CARF: variants seen among roughly 807,000 people sequenced by gnomAD.
CARF encodes the protein calcium-responsive transcription factor.
CARF carries 57 observed loss-of-function variants against 82.0 expected under a neutral mutation model. That is an observed-to-expected ratio of 0.70 (90% CI 0.56 to 0.87). The LOEUF (loss-of-function observed/expected upper bound fraction) is 0.87, where lower values mean the gene tolerates loss of function less well. CARF is among the 40% of genes least tolerant of loss of function. CARF has a pLI of 0.00. For synonymous variants in CARF, 268 were observed against 290.1 expected, an observed-to-expected ratio of 0.92 and a Z score of 0.77; for missense variants, 771 against 855.8, an observed-to-expected ratio of 0.90 and a Z score of 1.24.
intron 3 of CARF, among the ~76,000 whole-genome samples, chr2:202,941,064 T>C (rs1417481403): frequency 6.6e-6 from 1 of 152,020 alleles, no homozygotes; most frequent in Non-Finnish European, 1.5e-5. Context: ...GTATAATATA[T>C]AAAATTCAAA....
intron 12 of CARF, 91 bp from the exon 13 acceptor site, chr2:202,974,243 G>T: frequency 1.1e-6 from 1 of 922,814 alleles, no homozygotes. Context: ...CTTTATAGAA[G>T]TTTATACTGA....
chr2:202,963,554 T>C (rs1442429723), intron 9 of CARF, among the ~76,000 whole-genome samples: 1 of 152,140 alleles, frequency 6.6e-6, no homozygotes, highest in East Asian at 1.9e-4. Context: ...GGGGATGGTT[T>C]CGGGATGATT....
chr2:202,932,628 C>G (rs1416185451), intron 3 of CARF, among the ~76,000 whole-genome samples: 1 of 152,086 alleles, frequency 6.6e-6, no homozygotes, highest in Non-Finnish European at 1.5e-5. Flanking sequence ...GGCAGTATCT[C>G]AGACTCTGTG....
At chr2:202,954,209 C>G in intron 7 of CARF, 75 bp downstream of exon 7, 1 of 1,480,536 alleles carries the variant, frequency 6.8e-7, no homozygotes, top group Non-Finnish European at 9.1e-7. Flanking sequence ...ACATTTAAAG[C>G]TGGCAGACTA....
At chr2:202,940,533 T>C (rs981590558) in intron 3 of CARF, among the ~76,000 whole-genome samples, 1 of 152,194 alleles carries the variant, frequency 6.6e-6, no homozygotes, top group Admixed American at 6.6e-5. Flanking sequence ...TGTTAGCTTA[T>C]ATTTGATTGA....
At chr2:202,917,449 G>A (rs1201807390) in intron 1 of CARF, among the ~76,000 whole-genome samples, 2 of 151,512 alleles carry the variant, frequency 1.3e-5, no homozygotes, top group South Asian at 2.1e-4. Context: ...ATTGTAATAC[G>A]CTTGCTTAAG....
intron 9 of CARF, among the ~76,000 whole-genome samples, chr2:202,964,178 C>T (rs1459338496): frequency 2.0e-5 from 3 of 152,168 alleles, no homozygotes; most frequent in Non-Finnish European, 4.4e-5. Flanking sequence ...GGTTTGATAG[C>T]TTGTACCAAT....
At chr2:202,954,165 T>G (rs770974171) in intron 7 of CARF, 31 bp downstream of exon 7, 21 of 1,592,652 alleles carry the variant, frequency 1.3e-5, no homozygotes, top group Non-Finnish European at 1.8e-5. Flanking sequence ...AGCTCATCTT[T>G]TAATATCACC....
At chr2:202,945,968 G>A (rs2058476822) in intron 5 of CARF, among the ~76,000 whole-genome samples, 4 of 152,080 alleles carry the variant, frequency 2.6e-5, no homozygotes, top group African/African-American at 7.2e-5. Context: ...AACCTCACTA[G>A]CATCTGTTAT....
chr2:202,961,619 T>C, intron 9 of CARF, 193 bp downstream of exon 9: 1 of 563,670 alleles, frequency 1.8e-6, no homozygotes, highest in South Asian at 2.5e-5. Flanking sequence ...CATTTTAATA[T>C]ATCAATGAAT....
chr2:202,940,728 G>T (rs2058189916), intron 3 of CARF, among the ~76,000 whole-genome samples: 1 of 151,936 alleles, frequency 6.6e-6, no homozygotes, highest in Non-Finnish European at 1.5e-5. Context: ...CAGTTTCTTA[G>T]CCACAAAACT....
intron 13 of CARF, among the ~76,000 whole-genome samples, chr2:202,976,671 T>C (rs1399996166): frequency 6.6e-6 from 1 of 151,842 alleles, no homozygotes; most frequent in East Asian, 1.9e-4. Flanking sequence ...AAAATATGGA[T>C]ATTTTAAAAG....
At chr2:202,926,999 G>A (rs1192360705) in intron 3 of CARF, among the ~76,000 whole-genome samples, 1 of 152,018 alleles carries the variant, frequency 6.6e-6, no homozygotes, top group African/African-American at 2.4e-5. Flanking sequence ...TTTTTTTGTA[G>A]AGATAAGGTT....
At chr2:202,916,404 A>G (rs1345563538) in intron 1 of CARF, among the ~76,000 whole-genome samples, 1 of 152,052 alleles carries the variant, frequency 6.6e-6, no homozygotes, top group Non-Finnish European at 1.5e-5. Context: ...GATGGTCTCA[A>G]TCTCTTAACT....
In CARF at chr2:202,953,891, C is replaced by G. The variant is rs2058891442; in HGVS notation, c.428-114C>G. 3 of 825,832 alleles carry G rather than the reference C, an allele frequency of 3.6e-6. No individual in the cohort carries two copies. The South Asian group carries it at 1.0e-4, about 28-fold the overall frequency. The allele number at this position is 825,832 out of a possible 1,614,324, so 51.2% of individuals were successfully genotyped here. On this transcript the variant is annotated intron_variant, in intron 6 of 16. Transcript: ENST00000438828. ...CAATAAAGCATTATTCCTTTACTCT[C>G]AATAAAGCATAAATTTTCTTTACCT...
At chr2:202,976,762 G>A (rs1221284974) in intron 13 of CARF, among the ~76,000 whole-genome samples, 4 of 142,676 alleles carry the variant, frequency 2.8e-5, no homozygotes. Flanking sequence ...CCCAGCCAGA[G>A]TGCATTCACA....
At chr2:202,925,169 A>G (rs1466252390) in intron 3 of CARF, 3 of 321,646 alleles carry the variant, frequency 9.3e-6, no homozygotes, top group African/African-American at 6.4e-5. Flanking sequence ...GACTATCAAA[A>G]GTGTGAAGTT....
At chr2:202,917,200 G>C (rs1284236320) in intron 1 of CARF, among the ~76,000 whole-genome samples, 3 of 86,660 alleles carry the variant, frequency 3.5e-5, no homozygotes, top group Non-Finnish European at 6.2e-5. Flanking sequence ...GACAGAGCGA[G>C]ACTCCGTCTC....
At chr2:202,941,449 C>T (rs2058225748) in intron 3 of CARF, among the ~76,000 whole-genome samples, 1 of 151,816 alleles carries the variant, frequency 6.6e-6, no homozygotes, top group Admixed American at 6.6e-5. Context: ...CTGTCTACAC[C>T]AGGATATCTA....
Sources: allele counts gnomAD v4.1 joint callset (sites outside exome capture counted in the v4.1 genomes callset), GRCh38; gene constraint gnomAD v4.1.1; transcripts MANE v1.5; gene names NCBI Gene and HGNC (gene_info 2026-07-23, HGNC 2026-07-21).